ANK2: variants seen among roughly 807,000 people sequenced by gnomAD.
ANK2 encodes the protein ankyrin-2.
In ANK2, 83 loss-of-function variants were observed where a neutral mutation model predicts 360.5. The observed-to-expected ratio is 0.23, with a 90% CI of 0.19 to 0.28. The LOEUF is 0.28. Ranked by LOEUF, ANK2 falls within the 10% of genes least tolerant of loss-of-function variation. The probability of loss-of-function intolerance (pLI) is 1.00; values close to 1 mark genes in which losing one functional copy is unlikely to be tolerated. For synonymous variants in ANK2, 1,740 were observed against 1,759.5 expected (o/e 0.99, Z 0.28); for missense variants, 4,201 against 4,795.7 (o/e 0.88, Z 3.66).
At chr4:112,736,894 G>T in the ANK2 span, among the ~76,000 whole-genome samples, 1 of 152,190 alleles carries the variant, frequency 6.6e-6, no homozygotes, top group Non-Finnish European at 1.5e-5. Flanking sequence ...GAGAAATAGT[G>T]ACAGTAATTC....
intron 5 of ANK2, among the ~76,000 whole-genome samples, chr4:113,236,137 G>A (rs1196858521): frequency 6.6e-6 from 1 of 151,538 alleles, no homozygotes; most frequent in Non-Finnish European, 1.5e-5. Context: ...GTGGATTAAG[G>A]ATGTTTTTTT....
chr4:113,007,881 G>A (rs1032878520), intron 2 of ANK2, among the ~76,000 whole-genome samples: 1 of 152,068 alleles, frequency 6.6e-6, no homozygotes, highest in Non-Finnish European at 1.5e-5. Context: ...TAGAGATATG[G>A]CAGCAAAAAG....
chr4:113,335,108 T>C (rs1439282493), intron 29 of ANK2, among the ~76,000 whole-genome samples: 1 of 152,222 alleles, frequency 6.6e-6, no homozygotes, highest in Non-Finnish European at 1.5e-5. Context: ...GTGCACATTT[T>C]CTAAATTTAA....
At chr4:113,031,264 T>A (rs2060340920) in intron 2 of ANK2, 1 of 152,002 alleles carries the variant, frequency 6.6e-6, no homozygotes, top group East Asian at 1.9e-4. Context: ...TAGAAAAAAA[T>A]TACTTTTATA....
chr4:113,040,089 A>G (rs1404593804), intron 2 of ANK2, among the ~76,000 whole-genome samples: 1 of 152,038 alleles, frequency 6.6e-6, no homozygotes, highest in Non-Finnish European at 1.5e-5. Flanking sequence ...TTGCATTTAC[A>G]GGAAAACCCA....
intron 1 of ANK2, among the ~76,000 whole-genome samples, chr4:113,068,903 A>G (rs1230561030): frequency 6.6e-6 from 1 of 152,094 alleles, no homozygotes; most frequent in Non-Finnish European, 1.5e-5. Context: ...CTGTACAAAA[A>G]GTTTTCAAAA....
intron 2 of ANK2, among the ~76,000 whole-genome samples, chr4:113,191,925 A>T (rs2153365255): frequency 6.6e-6 from 1 of 152,306 alleles, no homozygotes; most frequent in South Asian, 2.1e-4. Context: ...AAATGTGGAC[A>T]CGATTTAGCC....
the ANK2 span, among the ~76,000 whole-genome samples, chr4:112,706,289 A>T: frequency 6.6e-6 from 1 of 151,966 alleles, no homozygotes; most frequent in Non-Finnish European, 1.5e-5. Flanking sequence ...GGGGACCTCA[A>T]CCCCAATGCG....
chr4:112,882,985 G>C (rs2077145479), intron 1 of ANK2, among the ~76,000 whole-genome samples: 1 of 145,010 alleles, frequency 6.9e-6, no homozygotes, highest in African/African-American at 2.6e-5. Flanking sequence ...GCTCCGTGTG[G>C]CTACTGGACA....
intron 4 of ANK2, among the ~76,000 whole-genome samples, chr4:113,211,268 G>T (rs2099017838): frequency 6.6e-6 from 1 of 152,138 alleles, no homozygotes. Flanking sequence ...CATCATTCTT[G>T]TTCATAACTC....
chr4:113,140,563 C>G (rs1352316184), intron 1 of ANK2, among the ~76,000 whole-genome samples: 1 of 152,084 alleles, frequency 6.6e-6, no homozygotes, highest in African/African-American at 2.4e-5. Context: ...ATCCTTGGAT[C>G]TTGGAGGAGA....
At chr4:113,371,687 G>C (rs116212848) in intron 43 of ANK2, among the ~76,000 whole-genome samples, 19 of 152,122 alleles carry the variant, frequency 1.2e-4, no homozygotes, top group African/African-American at 4.3e-4. Context: ...CACTTTTCTT[G>C]CCAACCATAT....
rs313959 is a variant in ANK2 at position 113,104,036 on chromosome 4, G to T, written c.84+54224G>T. Among the ~76,000 whole-genome samples the T allele has an allele frequency of 3.2e-3, 487 of 152,234 alleles. 3 individuals are homozygous for T. The highest frequency in any genetic ancestry group is 9.4e-3 in the African/African-American group (391 of 41,544). ...CAAGGGTCTCGGAAACCTAGGGTTT[G>T]ATAAGTAAGAGGAACAGATCAAATT... On this transcript the variant is annotated intron_variant, in intron 1 of 45. Coordinates refer to ENST00000357077, the MANE Select transcript of ANK2 (RefSeq NM_001148.6).
intron 2 of ANK2, among the ~76,000 whole-genome samples, chr4:112,989,177 CA>C (rs1005455980): frequency 1.8e-4 from 27 of 152,084 alleles, no homozygotes; most frequent in Non-Finnish European, 8.8e-5. Context: ...AACTGAGACA[CA>C]AAGAGGTTAT....
chr4:112,817,990 A>T (rs921303014), upstream of ANK2: 1 of 152,394 alleles, frequency 6.6e-6, no homozygotes, highest in African/African-American at 2.4e-5. Flanking sequence ...AAATGATGCA[A>T]CCCAAGAGTG....
chr4:112,761,769 T>C, the ANK2 span, among the ~76,000 whole-genome samples: 2 of 152,236 alleles, frequency 1.3e-5, no homozygotes, highest in Admixed American at 1.3e-4. Context: ...CTTACCATAC[T>C]CATACTGTTG....
At position 113,288,492 on chromosome 4, in the gene ANK2, G is replaced by T; in HGVS notation, c.2277+6G>T. On this transcript the variant is annotated splice_donor_region_variant and intron_variant, in intron 20 of 45. Coordinates refer to ENST00000357077, the MANE Select transcript of ANK2 (RefSeq NM_001148.6). ...ATGTTAACGCAAAAACCAAGGTAAA[G>T]TACTTGTGGTCATTTTCAATTCCTA... The T allele has an allele frequency of 6.2e-7, 1 of 1,610,156 alleles. No individual in the cohort carries two copies. Among genetic ancestry groups the T allele is most frequent in the Non-Finnish European group, 8.5e-7 (1 of 1,176,592 alleles).
At chr4:113,365,595 C>T (rs186319493) in intron 41 of ANK2, among the ~76,000 whole-genome samples, 11 of 152,176 alleles carry the variant, frequency 7.2e-5, no homozygotes, top group Admixed American at 7.2e-4. Flanking sequence ...GGACCTCCAG[C>T]CATTGGCCTT....
chr4:113,091,705 G>A (rs1382083014), intron 1 of ANK2, among the ~76,000 whole-genome samples: 1 of 152,198 alleles, frequency 6.6e-6, no homozygotes, highest in African/African-American at 2.4e-5. Flanking sequence ...GGCATGGATA[G>A]GGGATTAAAT....
Sources: gnomAD v4.1 joint callset for allele counts (sites outside exome capture counted in the v4.1 genomes callset) on GRCh38, gnomAD v4.1.1 for gene constraint, MANE v1.5 for transcripts, NCBI Gene and HGNC (gene_info 2026-07-23, HGNC 2026-07-21) for gene names.